TFDP2: variants seen among roughly 807,000 people sequenced by gnomAD.
TFDP2 encodes transcription factor Dp-2 (E2F dimerization partner 2).
Under a neutral mutation model 59.3 loss-of-function variants are expected in TFDP2, and 17 were observed. The ratio of observed to expected loss-of-function variants is 0.29; its 90% CI spans 0.20 to 0.43. TFDP2 has a LOEUF of 0.43. Among genes scored for constraint, TFDP2 ranks in the 20% least tolerant of loss-of-function variants. TFDP2 has a pLI of 1.00. For synonymous variants in TFDP2, 180 were observed against 194.7 expected (o/e 0.92, Z 0.63); for missense variants, 391 against 528.8 (o/e 0.74, Z 2.56).
At chr3:142,074,145 C>T (rs1251417936) in intron 3 of TFDP2, among the ~76,000 whole-genome samples, 1 of 152,194 alleles carries the variant, frequency 6.6e-6, no homozygotes. Context: ...CAGTGGCTCA[C>T]GCCTGTAATC....
intron 1 of TFDP2, among the ~76,000 whole-genome samples, chr3:142,135,516 A>C (rs573401053): frequency 5.9e-5 from 9 of 152,012 alleles, no homozygotes; most frequent in African/African-American, 1.9e-4. Flanking sequence ...TCAACTCGTC[A>C]TTTACATTAG....
intron 7 of TFDP2, among the ~76,000 whole-genome samples, chr3:141,977,501 A>C (rs146421105): frequency 1.2e-3 from 184 of 152,216 alleles, no homozygotes; most frequent in African/African-American, 4.2e-3. Context: ...CTGAGGCACA[A>C]GCATCACTTG....
intron 1 of TFDP2, among the ~76,000 whole-genome samples, chr3:142,116,977 G>A (rs1304542642): frequency 2.0e-5 from 3 of 151,866 alleles, no homozygotes; most frequent in African/African-American, 7.3e-5. Flanking sequence ...GCTGGAGTGC[G>A]ATGGTGTGAT....
chr3:142,079,942 T>A (rs2060579558), intron 3 of TFDP2, among the ~76,000 whole-genome samples: 1 of 152,076 alleles, frequency 6.6e-6, no homozygotes, highest in South Asian at 2.1e-4. Flanking sequence ...CAATAAGAAA[T>A]CATCTGAAGG....
chr3:142,082,381 C>T (rs559513918), intron 3 of TFDP2, among the ~76,000 whole-genome samples: 14 of 152,244 alleles, frequency 9.2e-5, no homozygotes, highest in South Asian at 6.2e-4. Flanking sequence ...AAATGTAATA[C>T]ACTTGAATCA....
chr3:141,983,398 A>T (rs1276654973), intron 6 of TFDP2, among the ~76,000 whole-genome samples: 1 of 152,212 alleles, frequency 6.6e-6, no homozygotes, highest in East Asian at 1.9e-4. Context: ...GCACTTTGGG[A>T]GGCCAAGGCA....
At chr3:142,018,761 T>G (rs1178338318) in intron 3 of TFDP2, among the ~76,000 whole-genome samples, 1 of 152,130 alleles carries the variant, frequency 6.6e-6, no homozygotes, top group Non-Finnish European at 1.5e-5. Flanking sequence ...TTAAATTTTA[T>G]TTTCTTTGAC....
At chr3:142,148,822 C>T (rs1056282717) in intron 1 of TFDP2, among the ~76,000 whole-genome samples, 7 of 152,324 alleles carry the variant, frequency 4.6e-5, no homozygotes, top group Middle Eastern at 3.4e-3. Flanking sequence ...GACACAGAGG[C>T]CTGTGAGTCA....
chr3:142,037,119 T>A (rs895123253), intron 3 of TFDP2, among the ~76,000 whole-genome samples: 2 of 152,200 alleles, frequency 1.3e-5, no homozygotes, highest in Non-Finnish European at 2.9e-5. Flanking sequence ...TATGACAACT[T>A]TCAACTAAGT....
chr3:142,061,895 C>CTT (rs781086612), intron 3 of TFDP2, among the ~76,000 whole-genome samples: 1 of 62,802 alleles, frequency 1.6e-5, no homozygotes, highest in Admixed American at 1.5e-4. Flanking sequence ...TCTCTACACA[C>CTT]ACACACACAC....
In TFDP2 at chr3:142,149,207, C is replaced by A. The variant is rs962024357; in HGVS notation, c.-117G>T. The A allele has an allele frequency of 5.0e-6, 2 of 397,654 alleles. No individual in the cohort carries two copies. Among genetic ancestry groups the A allele is most frequent in the Admixed American group, 4.4e-5 (1 of 22,696 alleles). The allele number at this position is 397,654 out of a possible 1,614,324, so 24.6% of individuals were successfully genotyped here. ...CCGCCTTCGGCTGCAGAAGAACTGG[C>A]GGCCAAGCGAGGCTGTCGGGCCGAG... is the stretch of plus-strand genomic sequence containing the variant. On this transcript the variant is annotated 5_prime_UTR_variant, in exon 1 of 13. Transcript: ENST00000489671.
intron 9 of TFDP2, among the ~76,000 whole-genome samples, chr3:141,969,591 A>G (rs557077066): frequency 1.3e-5 from 2 of 152,052 alleles, no homozygotes; most frequent in Admixed American, 6.6e-5. Context: ...CAGCCTGGCG[A>G]AAGAGTGAGA....
intron 1 of TFDP2, among the ~76,000 whole-genome samples, chr3:142,143,335 G>A (rs934392264): frequency 6.6e-6 from 1 of 152,292 alleles, no homozygotes; most frequent in Middle Eastern, 3.4e-3. Flanking sequence ...CCAGGACATT[G>A]GTCTGGGCAA....
intron 6 of TFDP2, among the ~76,000 whole-genome samples, chr3:141,988,844 G>C (rs1474142470): frequency 6.6e-6 from 1 of 151,668 alleles, no homozygotes; most frequent in Admixed American, 6.6e-5. Flanking sequence ...TGTATTCTTA[G>C]TAGAGACAGG....
At chr3:142,128,503 G>C (rs1041861152) in intron 1 of TFDP2, among the ~76,000 whole-genome samples, 2 of 152,080 alleles carry the variant, frequency 1.3e-5, no homozygotes, top group Non-Finnish European at 2.9e-5. Context: ...CAACTCCCAT[G>C]GACAAAGAGT....
At chr3:142,114,199 T>C (rs2108679052) in intron 1 of TFDP2, among the ~76,000 whole-genome samples, 1 of 151,948 alleles carries the variant, frequency 6.6e-6, no homozygotes, top group East Asian at 1.9e-4. Context: ...CTCCATTTTA[T>C]AGAAGGGAAA....
chr3:142,045,058 T>A (rs1321767966), intron 3 of TFDP2, among the ~76,000 whole-genome samples: 1 of 152,118 alleles, frequency 6.6e-6, no homozygotes, highest in Non-Finnish European at 1.5e-5. Context: ...GAAAATACCA[T>A]CTAATATTGT....
At chr3:142,051,837 A>G (rs1463803349) in intron 3 of TFDP2, among the ~76,000 whole-genome samples, 1 of 152,194 alleles carries the variant, frequency 6.6e-6, no homozygotes, top group Admixed American at 6.5e-5. Flanking sequence ...CTCAAAATTT[A>G]TCATAAGGCT....
At chr3:142,112,634 T>A (rs1237166051) in intron 1 of TFDP2, among the ~76,000 whole-genome samples, 1 of 152,202 alleles carries the variant, frequency 6.6e-6, no homozygotes, top group Non-Finnish European at 1.5e-5. Context: ...CAGAGTGCTA[T>A]CTCACCAAAT....
Sources: gnomAD v4.1 joint callset for allele counts (sites outside exome capture counted in the v4.1 genomes callset) on GRCh38, gnomAD v4.1.1 for gene constraint, MANE v1.5 for transcripts, NCBI Gene and HGNC (gene_info 2026-07-23, HGNC 2026-07-21) for gene names.